ATRN: variants seen among roughly 807,000 people sequenced by gnomAD.
ATRN encodes attractin-2.
ATRN carries 54 observed loss-of-function variants against 178.7 expected under a neutral mutation model. The observed-to-expected ratio is 0.30, with a 90% CI of 0.24 to 0.38. The LOEUF (loss-of-function observed/expected upper bound fraction) is 0.38, where lower values mean the gene tolerates loss of function less well. Among genes scored for constraint, ATRN ranks in the 10% least tolerant of loss-of-function variants. The probability of loss-of-function intolerance (pLI) is 1.00; values close to 1 mark genes in which losing one functional copy is unlikely to be tolerated. For synonymous variants in ATRN, 636 were observed against 663.0 expected (o/e 0.96, Z 0.63); for missense variants, 1,443 against 1,815.1 (o/e 0.79, Z 3.73).
chr20:3,514,141 A>G (rs995130948), intron 1 of ATRN, among the ~76,000 whole-genome samples: 4 of 152,192 alleles, frequency 2.6e-5, no homozygotes, highest in African/African-American at 9.6e-5. Flanking sequence ...GTTCCTATTC[A>G]GCCATCTTGG....
rs940515083 is a variant in ATRN at position 3,647,022 on chromosome 20, C to T, written c.*175C>T. 8.6e-6 allele frequency: 7 copies of T among 816,888 alleles called. No homozygotes were observed. Among genetic ancestry groups the T allele is most frequent in the Middle Eastern group, 3.9e-4 (1 of 2,582 alleles). The allele number at this position is 816,888 out of a possible 1,614,324, so 50.6% of individuals were successfully genotyped here. A position where few individuals can be genotyped will look rare whatever the true frequency, so the allele number is the denominator to read the frequency against. On this transcript the variant is annotated 3_prime_UTR_variant, in exon 29 of 29. Coordinates refer to ENST00000262919, the MANE Select transcript of ATRN (RefSeq NM_139321.3). Reference sequence around the variant, plus strand: ...GCTTTCTTTGACGGTTTCTCCCATCCGTGTTCCAGCATCTAACCTTTTACT... The same window carrying T: ...GCTTTCTTTGACGGTTTCTCCCATCTGTGTTCCAGCATCTAACCTTTTACT...
At chr20:3,614,801 C>A (rs942474332) in intron 24 of ATRN, among the ~76,000 whole-genome samples, 1 of 152,088 alleles carries the variant, frequency 6.6e-6, no homozygotes, top group African/African-American at 2.4e-5. Flanking sequence ...CTCATTCCCC[C>A]CTCTTCCGGC....
chr20:3,471,387 G>C lies in ATRN; in HGVS notation c.280G>C (p.Ala94Pro), dbSNP rs1250418417. 13 of 1,487,970 alleles carry C rather than the reference G, an allele frequency of 8.7e-6. No homozygotes were observed. In the East Asian group the frequency reaches 3.7e-4, roughly 42 times the overall value. The allele number at this position is 1,487,970 out of a possible 1,614,324, so 92.2% of individuals were successfully genotyped here. A position where few individuals can be genotyped will look rare whatever the true frequency, so the allele number is the denominator to read the frequency against. Residue 94 changes from alanine to proline, a missense_variant, in exon 1 of 29, where the codon GCC (alanine) becomes CCC (proline). Physicochemically the swap from Ala to Pro is conservative, Grantham distance 27 (BLOSUM62 -1). Coordinates refer to ENST00000262919, the MANE Select transcript of ATRN (RefSeq NM_139321.3). ...AAAAAAVSGS[A>P]AAEAKECDRP... ...GGCGGCGGCGGCGGTGTCGGGCTCAGCCGCAGCCGAGGCCAAGGAATGTGA... is the reference window on the plus strand; with the variant it reads ...GGCGGCGGCGGCGGTGTCGGGCTCACCCGCAGCCGAGGCCAAGGAATGTGA...
chr20:3,591,342 C>A, intron 19 of ATRN, 36 bp downstream of exon 19: 1 of 1,597,848 alleles, frequency 6.3e-7, no homozygotes, highest in South Asian at 1.1e-5. Context: ...CATGGCAAAT[C>A]GGTGTGGAAC....
intron 24 of ATRN, among the ~76,000 whole-genome samples, chr20:3,606,647 C>G (rs948489793): frequency 7.2e-5 from 11 of 152,222 alleles, no homozygotes; most frequent in Admixed American, 6.5e-4. Flanking sequence ...CCCTGTTGTA[C>G]AAGCTAGGGC....
At chr20:3,507,406 C>CA (rs375138925) in intron 1 of ATRN, among the ~76,000 whole-genome samples, 9,723 of 87,262 alleles carry the variant, frequency 0.11, 393 homozygotes, top group Non-Finnish European at 0.14. Flanking sequence ...AACTCCGTCT[C>CA]AAAAAAAAAA....
At chr20:3,629,334 T>G (rs763671591) in intron 25 of ATRN, 26 of 980,834 alleles carry the variant, frequency 2.7e-5, no homozygotes, top group Non-Finnish European at 3.0e-5. Context: ...CTTGCACTCT[T>G]CTCTTCCACA....
chr20:3,521,020 A>T (rs912630744), intron 1 of ATRN, among the ~76,000 whole-genome samples: 8 of 152,170 alleles, frequency 5.3e-5, no homozygotes, highest in Non-Finnish European at 7.4e-5. Flanking sequence ...GAAACACCGC[A>T]TGTTCTTGTA....
In ATRN at chr20:3,575,848, A is replaced by T. The variant is rs1162908300; in HGVS notation, c.2114A>T (p.Asp705Val). The T allele has an allele frequency of 6.2e-7, 1 of 1,612,976 alleles. No homozygotes were observed. Among genetic ancestry groups the T allele is most frequent in the Non-Finnish European group, 8.5e-7 (1 of 1,179,428 alleles). The change falls in exon 13 of 29, where the codon GAC (aspartate) becomes GTC (valine). Residue 705 changes from aspartate (D) to valine (V), a missense_variant. Physicochemically the swap from Asp to Val is radical, Grantham distance 152 (BLOSUM62 -3). Transcript: ENST00000262919. ...SKRTLDHDRC[D>V]QHTDCYSCTA... ...GCAGCTCTTGACCATGACAGATGTGACCAGCACACAGATTGTTACAGCTGC... is the reference window on the plus strand; with the variant it reads ...GCAGCTCTTGACCATGACAGATGTGTCCAGCACACAGATTGTTACAGCTGC...
At chr20:3,474,913 T>C (rs1040507145) in intron 1 of ATRN, among the ~76,000 whole-genome samples, 1 of 150,386 alleles carries the variant, frequency 6.6e-6, no homozygotes, top group African/African-American at 2.5e-5. Flanking sequence ...GCGCCTGTGA[T>C]CCCAGCTACT....
intron 1 of ATRN, among the ~76,000 whole-genome samples, chr20:3,483,673 T>C (rs2084652682): frequency 6.6e-6 from 1 of 152,176 alleles, no homozygotes. Flanking sequence ...CCTATCTCTT[T>C]TTGCATACAT....
chr20:3,531,556 A>G (rs1201350328), intron 1 of ATRN, among the ~76,000 whole-genome samples: 2 of 152,256 alleles, frequency 1.3e-5, no homozygotes, highest in Non-Finnish European at 2.9e-5. Flanking sequence ...TGCTACATAA[A>G]GAAAAAATAA....
chr20:3,628,761 C>A, intron 25 of ATRN: 1 of 424,622 alleles, frequency 2.4e-6, no homozygotes, highest in Non-Finnish European at 3.1e-6. Flanking sequence ...CTTGACTTCT[C>A]GGTGATATCA....
intron 1 of ATRN, among the ~76,000 whole-genome samples, chr20:3,510,644 CA>C (rs1162161594): frequency 6.6e-6 from 1 of 152,090 alleles, no homozygotes; most frequent in Non-Finnish European, 1.5e-5. Flanking sequence ...AATCCTTGAC[CA>C]AAATACTGCA....
At chr20:3,565,130 G>A (rs527547760) in intron 10 of ATRN, among the ~76,000 whole-genome samples, 32 of 152,220 alleles carry the variant, frequency 2.1e-4, no homozygotes, top group African/African-American at 6.5e-4. Flanking sequence ...TTTCGGGTGC[G>A]TTTGCTAGTT....
intron 1 of ATRN, among the ~76,000 whole-genome samples, chr20:3,492,875 G>GCACACACACA (rs376260361): frequency 9.4e-6 from 1 of 106,792 alleles, no homozygotes; most frequent in Non-Finnish European, 2.1e-5. Flanking sequence ...GCGTGCGCAC[G>GCACACACACA]CACACACACA....
At chr20:3,481,896 AT>A (rs1374100593) in intron 1 of ATRN, among the ~76,000 whole-genome samples, 1 of 147,200 alleles carries the variant, frequency 6.8e-6, no homozygotes, top group Non-Finnish European at 1.5e-5. Context: ...TATTTTAAGA[AT>A]TTTTTGATTG....
intron 3 of ATRN, 62 bp from the exon 4 acceptor site, chr20:3,545,700 T>C (rs2085690601): frequency 1.3e-6 from 2 of 1,567,544 alleles, no homozygotes; most frequent in East Asian, 4.5e-5. Context: ...AATTTCTGTC[T>C]GCTACAATTT....
intron 21 of ATRN, among the ~76,000 whole-genome samples, chr20:3,596,678 G>A (rs576282930): frequency 1.3e-5 from 2 of 150,920 alleles, no homozygotes; most frequent in Middle Eastern, 3.4e-3. Context: ...AGAGAGGCAT[G>A]CATCTTTGTC....
Sources: allele counts gnomAD v4.1 joint callset (sites outside exome capture counted in the v4.1 genomes callset), GRCh38; gene constraint gnomAD v4.1.1; transcripts MANE v1.5; gene names NCBI Gene and HGNC (gene_info 2026-07-23, HGNC 2026-07-21).